CLDN5: variants seen among roughly 807,000 people sequenced by gnomAD.
CLDN5 encodes claudin 5, also known as claudin-5.
Under a neutral mutation model 1.3 loss-of-function variants are expected in CLDN5, and 4 were observed. The ratio of observed to expected loss-of-function variants is 3.07; its 90% CI spans 1.51 to 7.03. The LOEUF (loss-of-function observed/expected upper bound fraction) is 7.03, where lower values mean the gene tolerates loss of function less well. Ranked by LOEUF, CLDN5 falls within the 30% of genes most tolerant of loss-of-function variation. CLDN5 has a pLI of 0.00. For missense variants in CLDN5, 225 were observed against 303.5 expected, an observed-to-expected ratio of 0.74 and a Z score of 1.92; for synonymous variants, 156 against 152.3, an observed-to-expected ratio of 1.02 and a Z score of -0.18.
chr22:19,524,151 G>T lies in CLDN5; in HGVS notation c.105C>A (p.Phe35Leu). Residue 35 changes from phenylalanine (F) to leucine (L), a missense_variant, in exon 1 of 1, where the codon TTC becomes TTA. Phe to Leu is a conservative substitution (Grantham distance 22, BLOSUM62 0). This residue lies in a region of CLDN5 where 19 missense variants were observed against 51.1 expected (regional missense o/e 0.37). Transcript: ENST00000618236. ...CGLPMWQVTA[F>L]LDHNIVTAQT... ...GCGCCGTCACGATGTTGTGGTCCAG[G>T]AAGGCGGTCACCTGCCACATGGGCA... is the stretch of plus-strand genomic sequence containing the variant. 6.2e-7 allele frequency: 1 copy of T among 1,610,572 alleles called. No individual in the cohort carries two copies.
chr22:19,524,202 C>T lies in CLDN5; in HGVS notation c.54G>A (p.Trp18Ter). The change falls in exon 1 of 1, where the codon TGG becomes TGA. Residue 18 changes from tryptophan (W) to a stop codon, truncating the protein, a stop_gained. Transcript: ENST00000618236. LOFTEE classifies it low-confidence loss of function (END_TRUNC). ...ILGLVLCLVG[W>*]GGLILACGLP... ...GCCCGCACGCCAGGATCAGACCCCC[C>T]CAGCCCACCAGGCACAGCACCAGGC... 6.2e-7 allele frequency: 1 copy of T among 1,604,814 alleles called. No individual in the cohort carries two copies.
Position 19,524,103 on chromosome 22 carries a change from C to G in CLDN5, c.153G>C (p.Trp51Cys). The change falls in exon 1 of 1, where the codon TGG becomes TGC. Residue 51 changes from tryptophan to cysteine, a missense_variant. Trp to Cys is a radical substitution (Grantham distance 215). Coordinates refer to ENST00000618236, the MANE Select transcript of CLDN5 (RefSeq NM_001363066.2). ...CGGTGCTCTGCACCACGCACGACATCCACAGCCCCTTCCAGGTGGTCTGCG... is the reference window on the plus strand; with the variant it reads ...CGGTGCTCTGCACCACGCACGACATGCACAGCCCCTTCCAGGTGGTCTGCG... Reference protein sequence around the residue: ...VTAQTTWKGLWMSCVVQSTGH... With the variant: ...VTAQTTWKGLCMSCVVQSTGH... 6.2e-7 allele frequency: 1 copy of G among 1,607,960 alleles called. No homozygotes were observed. The highest frequency in any genetic ancestry group is 8.5e-7 in the Non-Finnish European group (1 of 1,179,778).
chr22:19,524,308 T>A lies in CLDN5; in HGVS notation c.-53A>T. ...GCCCGCAGAACCCCCAAGGCCGTGC[T>A]GCGCGGCGCCCTGGGCGGGCCCTGG... On this transcript the variant is annotated 5_prime_UTR_variant, in exon 1 of 1. Coordinates refer to ENST00000618236, the MANE Select transcript of CLDN5 (RefSeq NM_001363066.2). 7 of 1,525,222 alleles carry A rather than the reference T, an allele frequency of 4.6e-6. No homozygotes were observed. The highest frequency in any genetic ancestry group is 6.2e-6 in the Non-Finnish European group (7 of 1,135,012). 94.5% of individuals were successfully genotyped at this position (1,525,222 alleles called of 1,614,324 possible).
chr22:19,523,644 C>T lies in CLDN5; in HGVS notation c.612G>A (p.Arg204=). 6.2e-7 allele frequency: 1 copy of T among 1,602,226 alleles called. No homozygotes were observed. The highest frequency in any genetic ancestry group is 2.2e-5 in the East Asian group (1 of 44,690). Residue 204 remains arginine, a synonymous_variant, in exon 1 of 1, where the codon CGG becomes CGA. Transcript: ENST00000618236. ...CGTAGTCGCCGGTGGCCGTGGGCCG[C>T]CGCGGCGCTGAGTACTTCACGGGGA... The part of the protein sequence containing the change: ...LSFPVKYSAP[R]RPTATGDYDK...
Position 19,523,886 on chromosome 22 carries a change from G to C in CLDN5, c.370C>G (p.Leu124Val). The C allele has an allele frequency of 6.2e-7, 1 of 1,608,268 alleles. No homozygotes were observed. Among genetic ancestry groups the C allele is most frequent in the South Asian group, 1.1e-5 (1 of 90,806 alleles). The change falls in exon 1 of 1, where the codon CTC becomes GTC. Residue 124 changes from leucine to valine, a missense_variant. This residue lies in a region of CLDN5 where 165 missense variants were observed against 211.9 expected (regional missense o/e 0.78). Transcript: ENST00000618236. ...GCCAGCAGCCCGCAAAACAGGTAGA[G>C]CACGCCTCCCGTGAGGGCCACACGC... is the stretch of plus-strand genomic sequence containing the variant. ...KARVALTGGV[L>V]YLFCGLLALV...
At chr22:19,524,965 GTC>G (rs1275977903), upstream of CLDN5, 8 of 1,013,884 alleles carry the variant, frequency 7.9e-6, no homozygotes, top group South Asian at 4.7e-5. Flanking sequence ...TCCCAGCACT[GTC>G]TCTCTCATCC....
chr22:19,523,911 CGCCTTGGCCGGGCCCGGG>C lies in CLDN5; in HGVS notation c.327_344del (p.Pro110_Ala115del). ...GCACGCCTCCCGTGAGGGCCACACG[CGCCTTGGCCGGGCCCGGG>C]GCCACGCAGGTGGTGCACTGCGCGC... On this transcript the variant is annotated inframe_deletion, in exon 1 of 1. Transcript: ENST00000618236. The C allele has an allele frequency of 6.2e-7, 1 of 1,602,298 alleles. No individual in the cohort carries two copies. Among genetic ancestry groups the C allele is most frequent in the African/African-American group, 1.3e-5 (1 of 74,964 alleles).
chr22:19,524,875 G>A, upstream of CLDN5: 1 of 1,097,794 alleles, frequency 9.1e-7, no homozygotes, highest in South Asian at 4.5e-5. Context: ...TCGTAGGGGG[G>A]CTCTCCAGAA....
At position 19,523,384 on chromosome 22, in the gene CLDN5, T is replaced by G; in HGVS notation, c.*215A>C. 1 of 601,246 alleles carries G rather than the reference T, an allele frequency of 1.7e-6. No homozygotes were observed. Among genetic ancestry groups the G allele is most frequent in the South Asian group, 2.4e-5 (1 of 42,484 alleles). 37.2% of individuals were successfully genotyped at this position (601,246 alleles called of 1,614,324 possible). On this transcript the variant is annotated 3_prime_UTR_variant, in exon 1 of 1. Coordinates refer to ENST00000618236, the MANE Select transcript of CLDN5 (RefSeq NM_001363066.2). The stretch of plus-strand genomic sequence containing the variant: ...AGAAAAGGAAACTTCATTCCGTCTG[T>G]TAAGGGCAGGGCCGGGCTAGTGGCA...
At chr22:19,525,119 A>AC, upstream of CLDN5, 3 of 999,980 alleles carry the variant, frequency 3.0e-6, no homozygotes, top group Non-Finnish European at 3.6e-6. Context: ...CTGCCTGGCG[A>AC]CCCCCACTCT....
At position 19,523,037 on chromosome 22, in the gene CLDN5, A is replaced by G. The variant is rs1602011708; in HGVS notation, c.*562T>C. On this transcript the variant is annotated 3_prime_UTR_variant, in exon 1 of 1. Transcript: ENST00000618236. ...AGGACACAGGTGGGAGAGAGTTCAA[A>G]CCATTTACTAAGCAGATTCTTAGCC... 6.5e-6 allele frequency: 1 copy of G among 152,906 alleles called. No individual in the cohort carries two copies. 9.5% of individuals were successfully genotyped at this position (152,906 alleles called of 1,614,324 possible).
Position 19,523,290 on chromosome 22 carries a change from A to G in CLDN5, c.*309T>C. 5.6e-6 allele frequency: 2 copies of G among 357,226 alleles called. No individual in the cohort carries two copies. The highest frequency in any genetic ancestry group is 1.0e-5 in the Non-Finnish European group (2 of 198,978). 22.1% of individuals were successfully genotyped at this position (357,226 alleles called of 1,614,324 possible). On this transcript the variant is annotated 3_prime_UTR_variant, in exon 1 of 1. Coordinates refer to ENST00000618236, the MANE Select transcript of CLDN5 (RefSeq NM_001363066.2). ...AAGTAAGGCAGCAGCCAAGACCCCC[A>G]GCGTCTTGGAGGGGAAGCGAAATCC...
In CLDN5 at chr22:19,523,339, A is replaced by G. The variant is rs1181777015; in HGVS notation, c.*260T>C. ...CCTCAGTCTGACACCCGCTCTGCCT[A>G]TGGAAACAGCGCCGCGCACAGAAAA... On this transcript the variant is annotated 3_prime_UTR_variant, in exon 1 of 1. Coordinates refer to ENST00000618236, the MANE Select transcript of CLDN5 (RefSeq NM_001363066.2). The G allele has an allele frequency of 8.1e-6, 4 of 496,502 alleles. No individual in the cohort carries two copies. The highest frequency in any genetic ancestry group is 1.4e-5 in the Non-Finnish European group (4 of 286,644). 30.8% of individuals were successfully genotyped at this position (496,502 alleles called of 1,614,324 possible). A position where few individuals can be genotyped will look rare whatever the true frequency, so the allele number is the denominator to read the frequency against.
In CLDN5 at chr22:19,523,408, CAGG is replaced by C. The variant is rs1303581182; in HGVS notation, c.*188_*190del. On this transcript the variant is annotated 3_prime_UTR_variant, in exon 1 of 1. Coordinates refer to ENST00000618236, the MANE Select transcript of CLDN5 (RefSeq NM_001363066.2). ...GTTAAGGGCAGGGCCGGGCTAGTGG[CAGG>C]AGAAGGTCAGCTGCGGGCGCAGGCA... 3.0e-5 allele frequency: 21 copies of C among 711,116 alleles called. No homozygotes were observed. Among genetic ancestry groups the C allele is most frequent in the Middle Eastern group, 8.1e-4 (2 of 2,456 alleles). The allele number at this position is 711,116 out of a possible 1,614,324, so 44.1% of individuals were successfully genotyped here. A position where few individuals can be genotyped will look rare whatever the true frequency, so the allele number is the denominator to read the frequency against.
In CLDN5 at chr22:19,523,595, G is replaced by A; in HGVS notation, c.*4C>T. ...CAGGAGGGGCCCGGCCGTGCCCAGC[G>A]CCCTCAGACGTAGTTCTTCTTGTCG... On this transcript the variant is annotated 3_prime_UTR_variant, in exon 1 of 1. Coordinates refer to ENST00000618236, the MANE Select transcript of CLDN5 (RefSeq NM_001363066.2). 1.3e-6 allele frequency: 2 copies of A among 1,570,510 alleles called. No homozygotes were observed. Among genetic ancestry groups the A allele is most frequent in the Non-Finnish European group, 1.7e-6 (2 of 1,161,240 alleles).
Position 19,523,682 on chromosome 22 carries a change from G to C in CLDN5, c.574C>G (p.Pro192Ala), listed in dbSNP as rs755734785. 6.2e-7 allele frequency: 1 copy of C among 1,607,548 alleles called. No homozygotes were observed. Among genetic ancestry groups the C allele is most frequent in the East Asian group, 2.2e-5 (1 of 44,866 alleles). ...CCGAWVCTGR[P>A]DLSFPVKYSA... ...TACTTCACGGGGAAGCTGAGGTCGG[G>C]ACGGCCGGTGCAGACCCAGGCGCCG... The change falls in exon 1 of 1, where the codon CCC becomes GCC. Residue 192 changes from proline (P) to alanine (A), a missense_variant. This residue lies in a region of CLDN5 where 165 missense variants were observed against 211.9 expected (regional missense o/e 0.78). Transcript: ENST00000618236.
rs1471634348 is a variant in CLDN5 at position 19,523,639 on chromosome 22, G to A, written c.617C>T (p.Pro206Leu). 6.2e-7 allele frequency: 1 copy of A among 1,601,040 alleles called. No homozygotes were observed. ...CTTGTCGTAGTCGCCGGTGGCCGTG[G>A]GCCGCCGCGGCGCTGAGTACTTCAC... ...FPVKYSAPRR[P>L]TATGDYDKKN... The change falls in exon 1 of 1, where the codon CCC becomes CTC. Residue 206 changes from proline (P) to leucine (L), a missense_variant. Coordinates refer to ENST00000618236, the MANE Select transcript of CLDN5 (RefSeq NM_001363066.2).
In CLDN5 at chr22:19,524,060, C is replaced by T. The variant is rs1045780776; in HGVS notation, c.196G>A (p.Val66Met). The T allele has an allele frequency of 1.2e-6, 2 of 1,604,134 alleles. No individual in the cohort carries two copies. Among genetic ancestry groups the T allele is most frequent in the Non-Finnish European group, 1.7e-6 (2 of 1,179,482 alleles). Residue 66 changes from valine to methionine, a missense_variant, in exon 1 of 1, where the codon GTG becomes ATG. By Grantham distance (21) the Val-to-Met change is conservative (BLOSUM62 1). This residue lies in a region of CLDN5 where 19 missense variants were observed against 51.1 expected (regional missense o/e 0.37). Transcript: ENST00000618236. ...CTCAGAGCCAGCACCGAGTCGTACA[C>T]TTTGCACTGCATGTGCCCGGTGCTC... ...VQSTGHMQCK[V>M]YDSVLALSTE...
In CLDN5 at chr22:19,523,433, G is replaced by A. The variant is rs1468833115; in HGVS notation, c.*166C>T. 5 of 952,064 alleles carry A rather than the reference G, an allele frequency of 5.3e-6. No homozygotes were observed. Among genetic ancestry groups the A allele is most frequent in the Non-Finnish European group, 7.4e-6 (5 of 673,186 alleles). The allele number at this position is 952,064 out of a possible 1,614,324, so 59.0% of individuals were successfully genotyped here. On this transcript the variant is annotated 3_prime_UTR_variant, in exon 1 of 1. Coordinates refer to ENST00000618236, the MANE Select transcript of CLDN5 (RefSeq NM_001363066.2). Reference sequence around the variant, plus strand: ...CAGGAGAAGGTCAGCTGCGGGCGCAGGCAGGAGCGGATCCAGGAGCCGCGT... The same window carrying A: ...CAGGAGAAGGTCAGCTGCGGGCGCAAGCAGGAGCGGATCCAGGAGCCGCGT...
Sources: gnomAD v4.1 joint callset for allele counts on GRCh38, gnomAD v4.1.1 for gene constraint, gnomAD v4.1.1 regional missense constraint, MANE v1.5 for transcripts, NCBI Gene and HGNC (gene_info 2026-07-23, HGNC 2026-07-21) for gene names.